ADAMTS9: variants seen among roughly 807,000 people sequenced by gnomAD.
The protein encoded by ADAMTS9 is A disintegrin and metalloproteinase with thrombospondin motifs 9.
A neutral mutation model predicts 257.1 loss-of-function variants in ADAMTS9; 107 were observed. The ratio of observed to expected loss-of-function variants is 0.42; its 90% CI spans 0.36 to 0.49. The LOEUF (loss-of-function observed/expected upper bound fraction) is 0.49. Among genes scored for constraint, ADAMTS9 ranks in the 20% least tolerant of loss-of-function variants. The pLI, the probability that ADAMTS9 is intolerant of heterozygous loss-of-function variation, is 0.03. For synonymous variants in ADAMTS9, 982 were observed against 880.9 expected (o/e 1.11, Z -2.03); for missense variants, 2,353 against 2,469.1 (o/e 0.95, Z 1.00).
intron 28 of ADAMTS9, among the ~76,000 whole-genome samples, chr3:64,577,340 C>T (rs911953146): frequency 6.6e-6 from 1 of 152,138 alleles, no homozygotes; most frequent in Non-Finnish European, 1.5e-5. Flanking sequence ...TGTAGGACTT[C>T]TTTTCCCTTT....
At position 64,640,804 on chromosome 3, in the gene ADAMTS9, A is replaced by C. The variant is rs1576150558; in HGVS notation, c.1856+1044T>G. The stretch of plus-strand genomic sequence containing the variant: ...GTCATTTTTTATAATGAAGATAGCA[A>C]TTTATTATCTATAAACAACCTTCCC... On this transcript the variant is annotated intron_variant, in intron 12 of 39. Coordinates refer to ENST00000498707, the MANE Select transcript of ADAMTS9 (RefSeq NM_182920.2). Among the ~76,000 whole-genome samples the C allele has an allele frequency of 3.3e-5, 5 of 152,308 alleles. No individual in the cohort carries two copies. The East Asian group carries it at 9.7e-4, about 29-fold the overall frequency.
chr3:64,587,537 G>A (rs1191173525), intron 28 of ADAMTS9: 4 of 152,050 alleles, frequency 2.6e-5, no homozygotes, highest in South Asian at 2.1e-4. Flanking sequence ...GTGACTAGTG[G>A]CTTCCATAAA....
intron 37 of ADAMTS9, among the ~76,000 whole-genome samples, chr3:64,538,767 G>A (rs2083083321): frequency 6.6e-6 from 1 of 152,026 alleles, no homozygotes; most frequent in Non-Finnish European, 1.5e-5. Context: ...TTGACGGCTT[G>A]AAATCAATTA....
At chr3:64,588,457 T>G (rs527893848) in intron 28 of ADAMTS9, 13 of 152,216 alleles carry the variant, frequency 8.5e-5, no homozygotes, top group Admixed American at 7.9e-4. Context: ...AGTTTTTTTA[T>G]TCTGCCCCAA....
At chr3:64,618,435 T>C (rs1298560745) in intron 19 of ADAMTS9, among the ~76,000 whole-genome samples, 1 of 152,178 alleles carries the variant, frequency 6.6e-6, no homozygotes, top group Non-Finnish European at 1.5e-5. Context: ...ACCTACTATA[T>C]GAAACACAAA....
Position 64,603,905 on chromosome 3 carries a change from A to G in ADAMTS9, c.3747+17T>C. On this transcript the variant is annotated intron_variant, in intron 25 of 39. Coordinates refer to ENST00000498707, the MANE Select transcript of ADAMTS9 (RefSeq NM_182920.2). ...TTTCCCCCATTCCCCCTAATTCCAA[A>G]TAATCCACTGGCTTACAGAGCTCCA... The G allele has an allele frequency of 6.2e-7, 1 of 1,612,730 alleles. No homozygotes were observed. Among genetic ancestry groups the G allele is most frequent in the Non-Finnish European group, 8.5e-7 (1 of 1,179,268 alleles).
chr3:64,609,675 A>G (rs2084628951), intron 22 of ADAMTS9, among the ~76,000 whole-genome samples: 1 of 152,222 alleles, frequency 6.6e-6, no homozygotes. Context: ...ATGGATTAAA[A>G]GATTTAGTAT....
chr3:64,678,735 G>A (rs1362614756), intron 3 of ADAMTS9, among the ~76,000 whole-genome samples: 4 of 152,202 alleles, frequency 2.6e-5, no homozygotes, highest in Admixed American at 2.6e-4. Context: ...CCTGGTTCCA[G>A]AGGTGTCCTT....
chr3:64,640,812 T>A (rs897409620), intron 12 of ADAMTS9, among the ~76,000 whole-genome samples: 1 of 152,198 alleles, frequency 6.6e-6, no homozygotes, highest in African/African-American at 2.4e-5. Flanking sequence ...CAATTTATTA[T>A]CTATAAACAA....
At chr3:64,551,539 A>G (rs1380719556) in intron 30 of ADAMTS9, among the ~76,000 whole-genome samples, 2 of 152,140 alleles carry the variant, frequency 1.3e-5, no homozygotes, top group African/African-American at 2.4e-5. Flanking sequence ...CAGTTACCTA[A>G]CAACTCTGTT....
At chr3:64,598,220 T>C (rs1329780588) in intron 26 of ADAMTS9, among the ~76,000 whole-genome samples, 1 of 152,180 alleles carries the variant, frequency 6.6e-6, no homozygotes, top group East Asian at 1.9e-4. Context: ...TTAGTTCCTC[T>C]TGAGAAAATA....
chr3:64,592,105 C>T (rs889933901), intron 28 of ADAMTS9, among the ~76,000 whole-genome samples: 9 of 152,156 alleles, frequency 5.9e-5, no homozygotes, highest in African/African-American at 2.2e-4. Context: ...CCCTCTCACT[C>T]ATATATTTAG....
chr3:64,597,307 A>G (rs2084384966), intron 26 of ADAMTS9, among the ~76,000 whole-genome samples: 2 of 152,168 alleles, frequency 1.3e-5, no homozygotes, highest in South Asian at 4.1e-4. Context: ...CTGCATCTCT[A>G]AGAGGTACAG....
At position 64,665,585 on chromosome 3, in the gene ADAMTS9, C is replaced by T. The variant is rs959707505; in HGVS notation, c.680-6794G>A. On this transcript the variant is annotated intron_variant, in intron 3 of 39. Transcript: ENST00000498707. ...AAAGTGAGTTGGAACTAAAAGGAAC[C>T]ATTTAAGGTAGAGTGACTAAGTGTG... Among the ~76,000 whole-genome samples the T allele has an allele frequency of 3.3e-5, 5 of 152,258 alleles. No individual in the cohort carries two copies. In the South Asian group the frequency reaches 8.3e-4, roughly 25 times the overall value.
chr3:64,543,043 A>G (rs1417914987), intron 32 of ADAMTS9, among the ~76,000 whole-genome samples: 1 of 152,214 alleles, frequency 6.6e-6, no homozygotes, highest in East Asian at 1.9e-4. Context: ...CTGGACACAT[A>G]CACCCTCCCA....
In ADAMTS9 at chr3:64,601,948, C is replaced by T. The variant is rs1287109627; in HGVS notation, c.4013G>A (p.Gly1338Glu). Residue 1338 changes from glycine (G) to glutamate (E), a missense_variant, in exon 26 of 40, where the codon GGA becomes GAA. Physicochemically the swap from Gly to Glu is moderately conservative, Grantham distance 98. This residue lies in a region of ADAMTS9 where 1,402 missense variants were observed against 1,441.4 expected (regional missense o/e 0.97). Coordinates refer to ENST00000498707, the MANE Select transcript of ADAMTS9 (RefSeq NM_182920.2). ...GGNQWRTGPW[G>E]ACSSTCAGGS... ...CAAACTTCAGGGAATACTCACTGCT[C>T]CCCAGGGGCCAGTTCTCCACTGGTT... The T allele has an allele frequency of 1.9e-6, 3 of 1,600,218 alleles. No individual in the cohort carries two copies. The highest frequency in any genetic ancestry group is 2.2e-5 in the South Asian group (2 of 88,896).
intron 3 of ADAMTS9, among the ~76,000 whole-genome samples, chr3:64,666,285 G>A (rs570388953): frequency 6.6e-6 from 1 of 152,144 alleles, no homozygotes; most frequent in Non-Finnish European, 1.5e-5. Context: ...CTACCAAATG[G>A]GGTTGGGCCG....
intron 28 of ADAMTS9, among the ~76,000 whole-genome samples, chr3:64,590,265 T>C (rs1316326918): frequency 6.6e-6 from 1 of 152,184 alleles, no homozygotes; most frequent in African/African-American, 2.4e-5. Context: ...TACACAAAGC[T>C]AGATACTTGG....
At chr3:64,579,229 G>T (rs1241815213) in intron 28 of ADAMTS9, among the ~76,000 whole-genome samples, 1 of 152,106 alleles carries the variant, frequency 6.6e-6, no homozygotes, top group Admixed American at 6.6e-5. Context: ...ACTAAGAGAT[G>T]CCTGGTGTAC....
Sources: gnomAD v4.1 joint callset for allele counts (sites outside exome capture counted in the v4.1 genomes callset) on GRCh38, gnomAD v4.1.1 for gene constraint, gnomAD v4.1.1 regional missense constraint, MANE v1.5 for transcripts, NCBI Gene and HGNC (gene_info 2026-07-23, HGNC 2026-07-21) for gene names.